Variants in TNR observed in about 807,000 individuals in gnomAD.
TNR encodes tenascin R.
In TNR, 45 loss-of-function variants were observed where a neutral mutation model predicts 150.4. The ratio of observed to expected loss-of-function variants is 0.30; its 90% CI spans 0.24 to 0.38. TNR has a LOEUF of 0.38. Among genes scored for constraint, TNR ranks in the 10% least tolerant of loss-of-function variants. The pLI is 1.00. For missense variants in TNR, 1,544 were observed against 1,759.1 expected, an observed-to-expected ratio of 0.88 and a Z score of 2.19; for synonymous variants, 687 against 678.4, an observed-to-expected ratio of 1.01 and a Z score of -0.20.
intron 5 of TNR, among the ~76,000 whole-genome samples, chr1:175,395,756 T>C (rs902505352): frequency 6.6e-6 from 1 of 152,192 alleles, no homozygotes; most frequent in Admixed American, 6.5e-5. Flanking sequence ...ATATAATAAT[T>C]ATTTCCTATC....
intron 1 of TNR, among the ~76,000 whole-genome samples, chr1:175,548,152 C>T (rs779245875): frequency 5.9e-5 from 9 of 152,160 alleles, no homozygotes; most frequent in African/African-American, 9.7e-5. Flanking sequence ...GCGGCTCTTA[C>T]GCAGAGGCTC....
chr1:175,736,914 AG>A (rs1667788459), intron 1 of TNR, among the ~76,000 whole-genome samples: 1 of 151,904 alleles, frequency 6.6e-6, no homozygotes, highest in Admixed American at 6.6e-5. Context: ...CCAGATCCTC[AG>A]GGGGCTGAGG....
intron 11 of TNR, 69 bp downstream of exon 11, chr1:175,365,806 C>A (rs1447475553): frequency 1.3e-6 from 2 of 1,556,850 alleles, no homozygotes; most frequent in Admixed American, 3.7e-5. Context: ...AGTGACTTGC[C>A]TGAATGAATT....
At chr1:175,329,112 C>G (rs1649573915) in intron 21 of TNR, among the ~76,000 whole-genome samples, 1 of 152,094 alleles carries the variant, frequency 6.6e-6, no homozygotes, top group Admixed American at 6.5e-5. Flanking sequence ...GAGTATCTGG[C>G]TAAGAAGAGA....
intron 1 of TNR, among the ~76,000 whole-genome samples, chr1:175,729,284 CT>C (rs1667564777): frequency 6.6e-6 from 1 of 152,208 alleles, no homozygotes; most frequent in Non-Finnish European, 1.5e-5. Context: ...AGTGGAGCCC[CT>C]GGCATGGGAG....
intron 1 of TNR, among the ~76,000 whole-genome samples, chr1:175,695,726 AC>A (rs140098555): frequency 0.018 from 2,671 of 151,986 alleles, 88 homozygotes; most frequent in African/African-American, 0.06. Flanking sequence ...ATCTTTTTTG[AC>A]CCCATTCCAG....
chr1:175,519,517 C>T, intron 2 of TNR, among the ~76,000 whole-genome samples: 1 of 152,202 alleles, frequency 6.6e-6, no homozygotes, highest in East Asian at 1.9e-4. Flanking sequence ...ATCAAAACCT[C>T]ATCAATATAC....
intron 1 of TNR, among the ~76,000 whole-genome samples, chr1:175,623,440 A>C (rs182942982): frequency 9.2e-5 from 14 of 152,330 alleles, no homozygotes; most frequent in Non-Finnish European, 1.5e-4. Context: ...TGCTCTGGGC[A>C]TCCCAATTTG....
chr1:175,510,595 A>G (rs1184151260), intron 2 of TNR, among the ~76,000 whole-genome samples: 2 of 152,238 alleles, frequency 1.3e-5, no homozygotes, highest in African/African-American at 4.8e-5. Flanking sequence ...TAATGTCCCT[A>G]TAACTACAAG....
chr1:175,677,593 G>A (rs764966163), intron 1 of TNR, among the ~76,000 whole-genome samples: 16 of 152,080 alleles, frequency 1.1e-4, no homozygotes, highest in Non-Finnish European at 7.3e-5. Context: ...AATTGCTTCC[G>A]TAACAACTCT....
chr1:175,659,826 G>A (rs1323150558), intron 1 of TNR, among the ~76,000 whole-genome samples: 1 of 151,938 alleles, frequency 6.6e-6, no homozygotes, highest in Non-Finnish European at 1.5e-5. Context: ...CCAGGAGGTG[G>A]CAGGTGTGGT....
chr1:175,519,947 G>T (rs920368472), intron 2 of TNR, among the ~76,000 whole-genome samples: 1 of 152,066 alleles, frequency 6.6e-6, no homozygotes, highest in Admixed American at 6.5e-5. Flanking sequence ...AAACTACTTG[G>T]GTTCAAATCC....
At chr1:175,740,997 G>A (rs1667911050) in intron 1 of TNR, among the ~76,000 whole-genome samples, 1 of 152,198 alleles carries the variant, frequency 6.6e-6, no homozygotes, top group South Asian at 2.1e-4. Context: ...TTTGCAGTAA[G>A]CCCAGAGAGC....
intron 7 of TNR, 74 bp from the exon 8 acceptor site, chr1:175,386,375 C>T: frequency 6.9e-7 from 1 of 1,447,136 alleles, no homozygotes; most frequent in Non-Finnish European, 9.1e-7. Flanking sequence ...CTCTCTTTTC[C>T]TCCTTATGGA....
intron 2 of TNR, among the ~76,000 whole-genome samples, chr1:175,496,627 C>G (rs894741251): frequency 2.0e-5 from 3 of 152,144 alleles, no homozygotes; most frequent in African/African-American, 7.2e-5. Context: ...TCATCTCACC[C>G]CCTACAAGAC....
At chr1:175,426,229 G>T (rs13374955) in intron 2 of TNR, among the ~76,000 whole-genome samples, 37,058 of 152,088 alleles carry the variant, frequency 0.24, 4,792 homozygotes, top group East Asian at 0.49. Context: ...AAGATGTGCT[G>T]AAGGAAGAAG....
chr1:175,492,606 C>T (rs529287029), intron 2 of TNR, among the ~76,000 whole-genome samples: 3 of 152,060 alleles, frequency 2.0e-5, no homozygotes, highest in Admixed American at 6.5e-5. Context: ...TTTTGGGGGG[C>T]CTGAGAGAGT....
chr1:175,618,453 A>T (rs1663850698), intron 1 of TNR, among the ~76,000 whole-genome samples: 1 of 152,194 alleles, frequency 6.6e-6, no homozygotes, highest in Non-Finnish European at 1.5e-5. Flanking sequence ...ATTTTACTAC[A>T]GTTCCTGGAC....
chr1:175,478,813 G>T (rs1293976763), intron 2 of TNR, among the ~76,000 whole-genome samples: 3 of 152,150 alleles, frequency 2.0e-5, no homozygotes, highest in Non-Finnish European at 4.4e-5. Context: ...TTGTGCTTAA[G>T]CTGTCAGCAT....
Sources: gnomAD v4.1 joint callset for allele counts (sites outside exome capture counted in the v4.1 genomes callset) on GRCh38, gnomAD v4.1.1 for gene constraint, MANE v1.5 for transcripts, NCBI Gene and HGNC (gene_info 2026-07-23, HGNC 2026-07-21) for gene names.